The following DLG3 variants were observed in gnomAD, a reference collection of about 807,000 sequenced individuals.
DLG3 encodes the protein discs large MAGUK scaffold protein 3.
Under a neutral mutation model 64.1 loss-of-function variants are expected in DLG3, and 1 was observed. That is an observed-to-expected ratio of 0.02 (90% CI 0.01 to 0.07). The LOEUF (loss-of-function observed/expected upper bound fraction) is 0.07. Among genes scored for constraint, DLG3 ranks in the 10% least tolerant of loss-of-function variants. The pLI, the probability that DLG3 is intolerant of heterozygous loss-of-function variation, is 1.00. For synonymous variants in DLG3, 245 were observed against 259.8 expected (o/e 0.94, Z 0.55); for missense variants, 429 against 669.5 (o/e 0.64, Z 3.96).
chrX:70,495,258 A>G (rs1425972200), intron 12 of DLG3, 150 bp from the exon 13 acceptor site: 3 of 526,734 alleles, frequency 5.7e-6, no homozygotes, highest in Admixed American at 2.7e-5. Flanking sequence ...GTGCTCACCT[A>G]CCTCTGTATT....
intron 9 of DLG3, among the ~76,000 whole-genome samples, chrX:70,463,169 C>T (rs754914705): frequency 9.0e-6 from 1 of 111,147 alleles, no homozygotes; most frequent in African/African-American, 3.3e-5. Context: ...TTTTTTGAGA[C>T]GGAGTTTCAC....
intron 18 of DLG3, among the ~76,000 whole-genome samples, chrX:70,501,401 C>CTGTG (rs2087557203): frequency 1.2e-5 from 1 of 82,666 alleles, no homozygotes; most frequent in African/African-American, 4.5e-5. Context: ...GTTGGGGTGT[C>CTGTG]TGTCTGTCTG....
chrX:70,449,385 C>T lies in DLG3; in HGVS notation c.435C>T (p.Ile145=), dbSNP rs145494926. ...ERGNSGLGFS[I]AGGIDNPHVP... ...GCAACTCTGGCCTGGGCTTCAGTAT[C>T]GCAGGTGGCATCGACAATCCCCATG... Residue 145 remains isoleucine (I), a synonymous_variant, in exon 3 of 19, where the codon ATC becomes ATT. Coordinates refer to ENST00000374360, the MANE Select transcript of DLG3 (RefSeq NM_021120.4). The T allele has an allele frequency of 1.1e-4, 138 of 1,209,656 alleles. No homozygotes were observed. Among genetic ancestry groups the T allele is most frequent in the Admixed American group, 6.6e-5 (3 of 45,780 alleles).
intron 13 of DLG3, among the ~76,000 whole-genome samples, chrX:70,497,674 A>T (rs1281317289): frequency 8.9e-6 from 1 of 112,236 alleles, no homozygotes; most frequent in Non-Finnish European, 1.9e-5. Context: ...TCTCCTTGGG[A>T]GATCCTGTGA....
chrX:70,496,728 T>G (rs2087462899), intron 13 of DLG3, among the ~76,000 whole-genome samples: 1 of 112,566 alleles, frequency 8.9e-6, no homozygotes, highest in African/African-American at 3.2e-5. Context: ...GTTTGGCCTC[T>G]TAGTTGTGGA....
Position 70,492,639 on chromosome X carries a change from G to A in DLG3, c.1773+43G>A, listed in dbSNP as rs769827856. 3 of 1,127,015 alleles carry A rather than the reference G, an allele frequency of 2.7e-6. No homozygotes were observed. In the Admixed American group the frequency reaches 6.6e-5, roughly 25 times the overall value. 92.9% of individuals were successfully genotyped at this position (1,127,015 alleles called of 1,213,427 possible). ...AGGAAATCAGCCAGTAGGTAAAGAG[G>A]GTTGAGAAGCCTGGAGTTTAGTCTG... On this transcript the variant is annotated intron_variant, in intron 12 of 18. Transcript: ENST00000374360.
chrX:70,494,017 C>CT (rs2087408968), intron 12 of DLG3, among the ~76,000 whole-genome samples: 2 of 112,239 alleles, frequency 1.8e-5, no homozygotes, highest in African/African-American at 6.5e-5. Flanking sequence ...CCACACAACT[C>CT]TCAGCAGACT....
At chrX:70,458,433 C>T (rs1462211818) in intron 9 of DLG3, among the ~76,000 whole-genome samples, 1 of 112,009 alleles carries the variant, frequency 8.9e-6, no homozygotes, top group African/African-American at 3.3e-5. Context: ...CTTGAGAATG[C>T]TCTAACTGTG....
At chrX:70,475,054 G>A (rs992098092) in intron 9 of DLG3, among the ~76,000 whole-genome samples, 34 of 110,838 alleles carry the variant, frequency 3.1e-4, no homozygotes, top group African/African-American at 1.1e-3. Context: ...GTGCAGGCCG[G>A]GCATGGTGGC....
intron 15 of DLG3, among the ~76,000 whole-genome samples, chrX:70,499,565 C>T (rs980756011): frequency 3.6e-5 from 4 of 111,518 alleles, no homozygotes; most frequent in Non-Finnish European, 7.5e-5. Context: ...TGATGTGACT[C>T]CATTAACAGT....
chrX:70,486,310 C>A (rs952427183), intron 10 of DLG3, among the ~76,000 whole-genome samples: 4 of 112,246 alleles, frequency 3.6e-5, no homozygotes, highest in African/African-American at 1.3e-4. Context: ...AGGGGCAGAT[C>A]ATCTTTCTTG....
chrX:70,447,334 C>G (rs1348132593), intron 1 of DLG3, among the ~76,000 whole-genome samples: 1 of 111,856 alleles, frequency 8.9e-6, no homozygotes, highest in African/African-American at 3.3e-5. Context: ...CATGGGTGTC[C>G]CTTTGCTTAT....
chrX:70,497,363 T>C (rs2087474400), intron 13 of DLG3: 1 of 646,032 alleles, frequency 1.5e-6, no homozygotes, highest in Non-Finnish European at 2.5e-6. Flanking sequence ...CTAGAAATGC[T>C]GTGGCCAGTT....
intron 12 of DLG3, 55 bp downstream of exon 12, chrX:70,492,651 TG>T: frequency 9.4e-7 from 1 of 1,068,357 alleles, no homozygotes; most frequent in Non-Finnish European, 1.3e-6. Context: ...TTGAGAAGCC[TG>T]GAGTTTAGTC....
At chrX:70,479,722 G>C (rs2087119448) in intron 10 of DLG3, among the ~76,000 whole-genome samples, 2 of 111,047 alleles carry the variant, frequency 1.8e-5, no homozygotes, top group Non-Finnish European at 3.8e-5. Context: ...CTGACAGGTT[G>C]CTGCATTCTG....
At chrX:70,462,745 C>A (rs1176653473) in intron 9 of DLG3, among the ~76,000 whole-genome samples, 1 of 111,754 alleles carries the variant, frequency 8.9e-6, no homozygotes, top group Admixed American at 9.5e-5. Context: ...GTGATATATG[C>A]TTAGGAGTAG....
At chrX:70,449,053 TG>T (rs1036038259) in intron 2 of DLG3, 90 bp downstream of exon 2, 1 of 1,008,358 alleles carries the variant, frequency 9.9e-7, no homozygotes, top group Non-Finnish European at 1.4e-6. Flanking sequence ...TCAAGACCCA[TG>T]GGGGGACCTG....
intron 9 of DLG3, among the ~76,000 whole-genome samples, chrX:70,467,524 A>C (rs749436736): frequency 1.8e-5 from 2 of 112,298 alleles, no homozygotes; most frequent in East Asian, 5.6e-4. Context: ...TTTCTTCCAC[A>C]GAAACTTGAC....
intron 7 of DLG3, 99 bp from the exon 8 acceptor site, chrX:70,453,538 T>C (rs1241704177): frequency 1.2e-5 from 14 of 1,129,287 alleles, no homozygotes; most frequent in Non-Finnish European, 1.7e-5. Context: ...ACCACGTCCT[T>C]ACTCCCTACA....
Sources: allele counts gnomAD v4.1 joint callset (sites outside exome capture counted in the v4.1 genomes callset), GRCh38; gene constraint gnomAD v4.1.1; transcripts MANE v1.5; gene names NCBI Gene and HGNC (gene_info 2026-07-23, HGNC 2026-07-21).